GNPTAB: variants seen among roughly 807,000 people sequenced by gnomAD.
GNPTAB encodes the protein N-acetylglucosamine-1-phosphotransferase subunits alpha/beta.
Under a neutral mutation model 136.6 loss-of-function variants are expected in GNPTAB, and 92 were observed. The ratio of observed to expected loss-of-function variants is 0.67; its 90% CI spans 0.57 to 0.80. The LOEUF is 0.80. Among genes scored for constraint, GNPTAB ranks in the 30% least tolerant of loss-of-function variants. The pLI is 0.00. For synonymous variants in GNPTAB, 512 were observed against 535.1 expected, an observed-to-expected ratio of 0.96 and a Z score of 0.60; for missense variants, 1,343 against 1,501.8, an observed-to-expected ratio of 0.89 and a Z score of 1.75.
At chr12:101,772,843 G>C (rs1953199289) in intron 7 of GNPTAB, among the ~76,000 whole-genome samples, 1 of 152,192 alleles carries the variant, frequency 6.6e-6, no homozygotes, top group South Asian at 2.1e-4. Context: ...TTGAGACGGA[G>C]TCTGACTCTG....
At chr12:101,781,801 A>C (rs955476325) in intron 5 of GNPTAB, among the ~76,000 whole-genome samples, 3 of 152,236 alleles carry the variant, frequency 2.0e-5, no homozygotes, top group African/African-American at 7.2e-5. Context: ...TTACAACTTT[A>C]TCAGATAAAC....
At position 101,788,591 on chromosome 12, in the gene GNPTAB, T is replaced by C. The variant is rs1364784378; in HGVS notation, c.324-2A>G. 4 of 1,519,568 alleles carry C rather than the reference T, an allele frequency of 2.6e-6. No homozygotes were observed. Among genetic ancestry groups the C allele is most frequent in the Non-Finnish European group, 3.7e-6 (4 of 1,094,158 alleles). 94.1% of individuals were successfully genotyped at this position (1,519,568 alleles called of 1,614,324 possible). ...GTTGTGTTTTTCCCAAGGATTTCTC[T>C]AATAAAAAGCAAATACAGTTTATTA... On this transcript the variant is annotated splice_acceptor_variant, in intron 3 of 20. Transcript: ENST00000299314. LOFTEE classifies it high-confidence loss of function.
At chr12:101,829,433 C>T (rs955841296) in intron 1 of GNPTAB, among the ~76,000 whole-genome samples, 2 of 151,974 alleles carry the variant, frequency 1.3e-5, no homozygotes, top group African/African-American at 4.8e-5. Flanking sequence ...TGCAATGAGC[C>T]GAGATGGAGC....
chr12:101,802,536 C>T (rs1207317036), intron 1 of GNPTAB, among the ~76,000 whole-genome samples: 1 of 151,984 alleles, frequency 6.6e-6, no homozygotes, highest in Non-Finnish European at 1.5e-5. Flanking sequence ...ACAAAAACAC[C>T]CCTAAAGACT....
chr12:101,817,822 G>A (rs1340062284), intron 1 of GNPTAB, among the ~76,000 whole-genome samples: 3 of 152,090 alleles, frequency 2.0e-5, no homozygotes, highest in Non-Finnish European at 2.9e-5. Context: ...AAAAGCTTGT[G>A]GATTCTGAAG....
At position 101,760,143 on chromosome 12, in the gene GNPTAB, C is replaced by T. The variant is rs1293355610; in HGVS notation, c.3136G>A (p.Asp1046Asn). ...AGCATGTGTTCCAGACCTGTCAAAT[C>T]CTAACAAAGAAAAAGATGATAAATC... is the stretch of plus-strand genomic sequence containing the variant. The part of the protein sequence containing the change: ...RIHELPLSLQ[D>N]LTGLEHMLIN... Residue 1046 changes from aspartate (D) to asparagine (N), a missense_variant and splice_region_variant, in exon 16 of 21, where the codon GAT (aspartate) becomes AAT (asparagine). By Grantham distance (23) the Asp-to-Asn change is conservative. Transcript: ENST00000299314. 1 of 1,560,862 alleles carries T rather than the reference C, an allele frequency of 6.4e-7. No individual in the cohort carries two copies. Among genetic ancestry groups the T allele is most frequent in the East Asian group, 2.2e-5 (1 of 44,600 alleles).
rs374468420 is a variant in GNPTAB, at chr12:101,757,652, C to G, written c.3255G>C (p.Pro1085=). The part of the protein sequence containing the change: ...QESYYDPNLP[P]VTKSLVTNCK... ...AGTTTGTTACTAGACTTTTAGTGAC[C>G]GGTGGCTATGAGAAAATATAAGTAG... The change falls in exon 17 of 21, where the codon CCG becomes CCC. Residue 1085 remains proline, a synonymous_variant. Coordinates refer to ENST00000299314, the MANE Select transcript of GNPTAB (RefSeq NM_024312.5). 6.5e-7 allele frequency: 1 copy of G among 1,527,794 alleles called. No individual in the cohort carries two copies. Among genetic ancestry groups the G allele is most frequent in the Non-Finnish European group, 9.1e-7 (1 of 1,102,006 alleles). 94.6% of individuals were successfully genotyped at this position (1,527,794 alleles called of 1,614,324 possible). A position where few individuals can be genotyped will look rare whatever the true frequency, so the allele number is the denominator to read the frequency against.
rs1486581763 is a variant in GNPTAB, at chr12:101,800,222, C to T, written c.118-3460G>A. ...ATCTTTGGCCAGGTGTGGTGGCTCACACCTGTAGTCCTAGCACTTTGGGAG... is the reference window on the plus strand; with the variant it reads ...ATCTTTGGCCAGGTGTGGTGGCTCATACCTGTAGTCCTAGCACTTTGGGAG... On this transcript the variant is annotated intron_variant, in intron 1 of 20. Transcript: ENST00000299314. Among the ~76,000 whole-genome samples the T allele has an allele frequency of 3.3e-5, 5 of 152,028 alleles. 1 individual carries two copies. Among genetic ancestry groups the T allele is most frequent in the Admixed American group, 3.3e-4 (5 of 15,278 alleles).
intron 1 of GNPTAB, among the ~76,000 whole-genome samples, chr12:101,827,353 G>A (rs1221940294): frequency 1.3e-5 from 2 of 151,872 alleles, no homozygotes; most frequent in South Asian, 2.1e-4. Context: ...CTCCTGCCTC[G>A]GCCTGCCAAA....
chr12:101,825,009 T>G (rs772318454), intron 1 of GNPTAB, among the ~76,000 whole-genome samples: 9 of 152,242 alleles, frequency 5.9e-5, no homozygotes, highest in Non-Finnish European at 1.2e-4. Flanking sequence ...TACTTGTCCA[T>G]GAAGCCTCCC....
chr12:101,810,432 TACACACACACACACAC>T (rs71438442), intron 1 of GNPTAB: 1 of 107,504 alleles, frequency 9.3e-6, no homozygotes, highest in Non-Finnish European at 1.9e-5. Flanking sequence ...TACACACACA[TACACACACACACACAC>T]ACACACACAC....
At chr12:101,824,430 ATATTTTCTTT>A (rs1417412433) in intron 1 of GNPTAB, among the ~76,000 whole-genome samples, 1 of 78,792 alleles carries the variant, frequency 1.3e-5, no homozygotes, top group Non-Finnish European at 2.4e-5. Context: ...ATATATATAT[ATATTTTCTTT>A]TTTTTTTTTT....
intron 1 of GNPTAB, among the ~76,000 whole-genome samples, chr12:101,811,805 A>C (rs952593779): frequency 6.6e-5 from 10 of 151,310 alleles, no homozygotes; most frequent in African/African-American, 2.4e-4. Context: ...CACCCAACTA[A>C]TTTTTGTATT....
chr12:101,800,119 G>A (rs1869527080), intron 1 of GNPTAB, among the ~76,000 whole-genome samples: 1 of 152,070 alleles, frequency 6.6e-6, no homozygotes, highest in Non-Finnish European at 1.5e-5. Context: ...GAAGCAGAAT[G>A]GGATCCTAAA....
intron 19 of GNPTAB, among the ~76,000 whole-genome samples, chr12:101,752,648 T>C (rs1952838173): frequency 6.6e-6 from 1 of 152,212 alleles, no homozygotes; most frequent in South Asian, 2.1e-4. Context: ...AAGCTTTTGC[T>C]CATTGTTCCC....
At chr12:101,751,289 G>A (rs892457118) in intron 19 of GNPTAB, among the ~76,000 whole-genome samples, 2 of 152,170 alleles carry the variant, frequency 1.3e-5, no homozygotes, top group Non-Finnish European at 2.9e-5. Context: ...TCACCTTCCT[G>A]TAACAGAATC....
intron 1 of GNPTAB, among the ~76,000 whole-genome samples, chr12:101,809,477 T>C (rs886279175): frequency 6.6e-6 from 1 of 152,184 alleles, no homozygotes; most frequent in African/African-American, 2.4e-5. Flanking sequence ...CATAAACGTA[T>C]ATAGCAGCTT....
intron 1 of GNPTAB, among the ~76,000 whole-genome samples, chr12:101,823,355 A>G (rs940013637): frequency 2.0e-5 from 3 of 152,148 alleles, no homozygotes; most frequent in Non-Finnish European, 4.4e-5. Context: ...TATGTCTGTA[A>G]TCCCAGCACT....
intron 1 of GNPTAB, among the ~76,000 whole-genome samples, chr12:101,821,057 C>CAAA (rs57630700): frequency 1.0e-4 from 3 of 28,692 alleles, no homozygotes; most frequent in East Asian, 1.2e-3. Flanking sequence ...GACTCCGTCT[C>CAAA]AAAAAAAAAA....
Sources: allele counts gnomAD v4.1 joint callset (sites outside exome capture counted in the v4.1 genomes callset), GRCh38; gene constraint gnomAD v4.1.1; transcripts MANE v1.5; gene names NCBI Gene and HGNC (gene_info 2026-07-23, HGNC 2026-07-21).